The following FNTA variants were observed in gnomAD, a reference collection of about 807,000 sequenced individuals.
FNTA encodes the protein protein farnesyltransferase/geranylgeranyltransferase type-1 subunit alpha.
In FNTA, 27 loss-of-function variants were observed where a neutral mutation model predicts 55.2. That is an observed-to-expected ratio of 0.49 (90% CI 0.36 to 0.67). FNTA has a LOEUF of 0.67. Among genes scored for constraint, FNTA ranks in the 30% least tolerant of loss-of-function variants. The pLI is 0.00. For synonymous variants in FNTA, 176 were observed against 170.7 expected, an observed-to-expected ratio of 1.03 and a Z score of -0.24; for missense variants, 422 against 464.7, an observed-to-expected ratio of 0.91 and a Z score of 0.85.
intron 5 of FNTA, among the ~76,000 whole-genome samples, chr8:43,075,510 T>C (rs1375361591): frequency 6.6e-6 from 1 of 152,120 alleles, no homozygotes; most frequent in African/African-American, 2.4e-5. Context: ...TTAAGAGAGC[T>C]TTATAATATA....
chr8:43,056,616 C>A, intron 1 of FNTA, 70 bp downstream of exon 1: 1 of 1,062,324 alleles, frequency 9.4e-7, no homozygotes, highest in Non-Finnish European at 1.2e-6. Context: ...ACCCGCGGCG[C>A]GCGCTTCCGG....
intron 3 of FNTA, among the ~76,000 whole-genome samples, chr8:43,067,581 C>G (rs1209040299): frequency 6.6e-6 from 1 of 150,410 alleles, no homozygotes; most frequent in Non-Finnish European, 1.5e-5. Context: ...TTGAAAGAAG[C>G]AGTATACCTG....
At chr8:43,084,950 TC>T in intron 8 of FNTA, 69 bp downstream of exon 8, 1 of 1,427,776 alleles carries the variant, frequency 7.0e-7, no homozygotes, top group South Asian at 1.2e-5. Context: ...ACCACTAATA[TC>T]CATGTCCCCT....
intron 3 of FNTA, among the ~76,000 whole-genome samples, chr8:43,067,931 G>C (rs908977782): frequency 6.6e-6 from 1 of 151,820 alleles, no homozygotes; most frequent in Non-Finnish European, 1.5e-5. Flanking sequence ...ACGGAGTCTT[G>C]CTCTGTCGCC....
At chr8:43,060,491 G>A (rs1021951796) in intron 2 of FNTA, among the ~76,000 whole-genome samples, 1 of 151,974 alleles carries the variant, frequency 6.6e-6, no homozygotes, top group African/African-American at 2.4e-5. Context: ...CCTGGCCAAC[G>A]TGGCGAAACC....
chr8:43,068,554 C>T (rs911925046), intron 3 of FNTA, among the ~76,000 whole-genome samples: 1 of 152,096 alleles, frequency 6.6e-6, no homozygotes, highest in African/African-American at 2.4e-5. Flanking sequence ...TGTATGTACA[C>T]GAACAACGTG....
intron 7 of FNTA, among the ~76,000 whole-genome samples, chr8:43,083,910 T>A (rs1045073706): frequency 3.2e-4 from 48 of 152,128 alleles, no homozygotes; most frequent in Non-Finnish European, 6.6e-4. Flanking sequence ...CCGTCTCTAC[T>A]AAAAATATAC....
intron 2 of FNTA, among the ~76,000 whole-genome samples, chr8:43,060,421 TC>T: frequency 6.6e-6 from 1 of 152,318 alleles, no homozygotes; most frequent in Non-Finnish European, 1.5e-5. Context: ...ACGCCTGTAA[TC>T]CCAGTACTTT....
chr8:43,062,169 TTTTA>T (rs1469808028), intron 2 of FNTA, among the ~76,000 whole-genome samples: 1 of 91,036 alleles, frequency 1.1e-5, no homozygotes, highest in Non-Finnish European at 2.6e-5. Context: ...TATGTGTATG[TTTTA>T]TGTGTGTGTG....
In FNTA at chr8:43,083,129, A is replaced by G; in HGVS notation, c.794A>G (p.Glu265Gly). The change falls in exon 7 of 9, where the codon GAA (glutamate) becomes GGA (glycine). Residue 265 changes from glutamate to glycine, a missense_variant. Glu to Gly is a moderately conservative substitution (Grantham distance 98, BLOSUM62 -2). This residue lies in a region of FNTA where 262 missense variants were observed against 343.1 expected (regional missense o/e 0.76). Coordinates refer to ENST00000302279, the MANE Select transcript of FNTA (RefSeq NM_002027.3). ...VLEREVQYTL[E>G]MIKLVPHNES... ...TATTTTTCTTGCAGATACACTCTGG[A>G]AATGATTAAACTAGTACCACATAAT... 6.4e-7 allele frequency: 1 copy of G among 1,574,786 alleles called. No individual in the cohort carries two copies. The highest frequency in any genetic ancestry group is 1.8e-5 in the Admixed American group (1 of 54,368).
chr8:43,076,054 A>G (rs13268960), intron 5 of FNTA, among the ~76,000 whole-genome samples: 12 of 150,992 alleles, frequency 7.9e-5, no homozygotes, highest in African/African-American at 2.9e-4. Context: ...TATTGTTTTT[A>G]TTTTTTGGAG....
chr8:43,060,403 G>A (rs1373921829), intron 2 of FNTA, among the ~76,000 whole-genome samples: 1 of 152,100 alleles, frequency 6.6e-6, no homozygotes, highest in African/African-American at 2.4e-5. Context: ...GGCCAGGCGC[G>A]GTGGCTCACG....
rs929782397 is a variant in FNTA, at chr8:43,080,434, T to A, written c.783-2684T>A. 2.6e-5 allele frequency: 4 copies of A among 152,206 alleles called. No individual in the cohort carries two copies. In the East Asian group the frequency reaches 7.7e-4, roughly 29 times the overall value. The allele number at this position is 152,206 out of a possible 1,614,324, so 9.4% of individuals were successfully genotyped here. ...CATTTTTTAGCAATAAAGTATTTTTTAATTGAGGTATGTACATTGTTTTTT... is the reference window on the plus strand; with the variant it reads ...CATTTTTTAGCAATAAAGTATTTTTAAATTGAGGTATGTACATTGTTTTTT... On this transcript the variant is annotated intron_variant, in intron 6 of 8. Transcript: ENST00000302279.
chr8:43,068,412 G>T (rs1217068498), intron 3 of FNTA, among the ~76,000 whole-genome samples: 2 of 152,148 alleles, frequency 1.3e-5, no homozygotes, highest in Non-Finnish European at 2.9e-5. Flanking sequence ...CCTTTTGTTG[G>T]TGGTGGTGGT....
At chr8:43,056,961 G>A (rs114222170) in intron 1 of FNTA, 1,996 of 152,376 alleles carry the variant, frequency 0.013, 47 homozygotes, top group African/African-American at 0.045. Context: ...AGGAAACCAG[G>A]GCCAGATTTG....
intron 7 of FNTA, among the ~76,000 whole-genome samples, chr8:43,084,217 CTTTT>C (rs965185730): frequency 7.6e-6 from 1 of 131,540 alleles, no homozygotes; most frequent in Non-Finnish European, 1.6e-5. Flanking sequence ...TGTAATTATC[CTTTT>C]TTTTTTTTTT....
At chr8:43,062,173 A>ATGTGTG (rs35607201) in intron 2 of FNTA, among the ~76,000 whole-genome samples, 449 of 149,014 alleles carry the variant, frequency 3.0e-3, no homozygotes, top group African/African-American at 3.8e-3. Flanking sequence ...TGTATGTTTT[A>ATGTGTG]TGTGTGTGTG....
chr8:43,077,935 G>A (rs1027325297), intron 6 of FNTA: 26 of 152,234 alleles, frequency 1.7e-4, no homozygotes, highest in Admixed American at 5.9e-4. Flanking sequence ...CACGATTTTT[G>A]TGACCTTATT....
At chr8:43,065,207 A>G (rs942680277) in intron 3 of FNTA, among the ~76,000 whole-genome samples, 3 of 151,562 alleles carry the variant, frequency 2.0e-5, no homozygotes, top group African/African-American at 7.3e-5. Flanking sequence ...TCCATCACAA[A>G]TGAGCACTCA....
Sources: gnomAD v4.1 joint callset for allele counts (sites outside exome capture counted in the v4.1 genomes callset) on GRCh38, gnomAD v4.1.1 for gene constraint, gnomAD v4.1.1 regional missense constraint, MANE v1.5 for transcripts, NCBI Gene and HGNC (gene_info 2026-07-23, HGNC 2026-07-21) for gene names.